Variants in RBMS3 observed in about 807,000 individuals in gnomAD.
RBMS3 encodes RNA-binding motif, single-stranded-interacting protein 3.
In RBMS3, 27 loss-of-function variants were observed where a neutral mutation model predicts 66.8. The observed-to-expected ratio is 0.40, with a 90% CI of 0.30 to 0.56. The LOEUF is 0.56. RBMS3 is among the 20% of genes least tolerant of loss of function. RBMS3 has a pLI of 0.40. For missense variants in RBMS3, 513 were observed against 549.5 expected (o/e 0.93, Z 0.66); for synonymous variants, 188 against 183.0 (o/e 1.03, Z -0.22).
At chr3:29,520,506 A>G (rs1297858961) in intron 3 of RBMS3, among the ~76,000 whole-genome samples, 1 of 152,194 alleles carries the variant, frequency 6.6e-6, no homozygotes, top group Admixed American at 6.5e-5. Flanking sequence ...AGTGAGTTAA[A>G]TATACACCAA....
chr3:29,689,100 AATAGAT>A (rs11271452), intron 4 of RBMS3, among the ~76,000 whole-genome samples: 1,749 of 151,678 alleles, frequency 0.012, 43 homozygotes, highest in African/African-American at 0.039. Flanking sequence ...CCTATATAGA[AATAGAT>A]ATAGATATAG....
At chr3:29,915,159 A>C (rs550495883) in intron 10 of RBMS3, among the ~76,000 whole-genome samples, 1 of 151,788 alleles carries the variant, frequency 6.6e-6, no homozygotes, top group Non-Finnish European at 1.5e-5. Flanking sequence ...TGTTCCTAAA[A>C]AAAAAAAAAT....
At chr3:29,756,526 G>T (rs146792637) in intron 5 of RBMS3, among the ~76,000 whole-genome samples, 51 of 152,030 alleles carry the variant, frequency 3.4e-4, no homozygotes, top group Middle Eastern at 3.4e-3. Flanking sequence ...AAAACCATCA[G>T]ATCTCATCAG....
chr3:29,607,245 A>T (rs1220053400), intron 4 of RBMS3, among the ~76,000 whole-genome samples: 4 of 151,940 alleles, frequency 2.6e-5, no homozygotes, highest in Non-Finnish European at 5.9e-5. Flanking sequence ...TTGTTGCCTT[A>T]GTCCCATTGG....
At chr3:29,565,633 C>A (rs1576242878) in intron 3 of RBMS3, among the ~76,000 whole-genome samples, 1 of 152,186 alleles carries the variant, frequency 6.6e-6, no homozygotes, top group Non-Finnish European at 1.5e-5. Context: ...CCACACTGTG[C>A]TAACCTCACC....
intron 1 of RBMS3, among the ~76,000 whole-genome samples, chr3:29,368,382 G>T (rs1158544991): frequency 6.6e-6 from 1 of 152,174 alleles, no homozygotes; most frequent in South Asian, 2.1e-4. Context: ...TATATTTATT[G>T]GAGTATTGCT....
Position 29,657,982 on chromosome 3 carries a change from C to T in RBMS3, c.399+70777C>T, listed in dbSNP as rs145995669. Among the ~76,000 whole-genome samples the T allele has an allele frequency of 8.5e-5, 13 of 152,192 alleles. 1 individual carries two copies. The highest frequency in any genetic ancestry group is 3.1e-4 in the African/African-American group (13 of 41,528). ...GGAAAATAAATGAACAAAAATATCC[C>T]CCAACGATTGTCTGTCTTTAGGCCG... On this transcript the variant is annotated intron_variant, in intron 4 of 14. Transcript: ENST00000383767.
At chr3:29,988,273 C>A in intron 13 of RBMS3, 50 bp downstream of exon 13, 1 of 1,465,800 alleles carries the variant, frequency 6.8e-7, no homozygotes, top group South Asian at 1.1e-5. Flanking sequence ...AAATCTCAGT[C>A]ACATATACTG....
At chr3:29,552,896 A>C (rs113559830) in intron 3 of RBMS3, among the ~76,000 whole-genome samples, 8 of 152,090 alleles carry the variant, frequency 5.3e-5, no homozygotes, top group African/African-American at 1.9e-4. Context: ...AGAGATAGTA[A>C]ATGGTAGAAG....
intron 6 of RBMS3, among the ~76,000 whole-genome samples, chr3:29,780,651 A>C (rs1280974599): frequency 1.3e-5 from 2 of 152,162 alleles, no homozygotes; most frequent in African/African-American, 4.8e-5. Context: ...TCCTATCTGC[A>C]CTTAAAAATT....
chr3:29,552,046 G>T (rs1180910248), intron 3 of RBMS3, among the ~76,000 whole-genome samples: 2 of 151,990 alleles, frequency 1.3e-5, no homozygotes, highest in African/African-American at 4.8e-5. Flanking sequence ...TTTACTTCAA[G>T]ATTAAATGCA....
intron 2 of RBMS3, among the ~76,000 whole-genome samples, chr3:29,446,906 C>CTTT (rs11293530): frequency 0.014 from 939 of 68,610 alleles, 19 homozygotes; most frequent in Non-Finnish European, 0.019. Context: ...ATTAAGCAGT[C>CTTT]TTTTTTTTTT....
chr3:29,559,041 T>G (rs2046451312), intron 3 of RBMS3, among the ~76,000 whole-genome samples: 1 of 152,098 alleles, frequency 6.6e-6, no homozygotes, highest in South Asian at 2.1e-4. Context: ...GTGTGAGACT[T>G]GACATATTAA....
chr3:29,922,449 T>G (rs1330330881), intron 10 of RBMS3, among the ~76,000 whole-genome samples: 1 of 137,146 alleles, frequency 7.3e-6, no homozygotes, highest in Non-Finnish European at 1.5e-5. Context: ...ATTGCGCCAC[T>G]GCAGTCCGCA....
At position 29,281,182 on chromosome 3, in the gene RBMS3, T is replaced by G. The variant is rs2031736673; in HGVS notation, c.-500T>G. The stretch of plus-strand genomic sequence containing the variant: ...CTTTTTCCCCTTTCTTTTTCTTTCT[T>G]TCTTTCTTTTTCTTTCTTTCTTTCT... On this transcript the variant is annotated 5_prime_UTR_variant, in exon 1 of 15. Coordinates refer to ENST00000383767, the MANE Select transcript of RBMS3 (RefSeq NM_001003793.3). The G allele has an allele frequency of 7.0e-6, 1 of 142,938 alleles. No homozygotes were observed. Among genetic ancestry groups the G allele is most frequent in the South Asian group, 2.4e-4 (1 of 4,096 alleles). 8.9% of individuals were successfully genotyped at this position (142,938 alleles called of 1,614,324 possible).
chr3:29,620,394 C>A (rs1238445065), intron 4 of RBMS3, among the ~76,000 whole-genome samples: 4 of 152,022 alleles, frequency 2.6e-5, no homozygotes, highest in African/African-American at 4.8e-5. Context: ...CCCCTGATTT[C>A]TCTTTCATAT....
chr3:29,818,073 T>C (rs1355219143), intron 6 of RBMS3, among the ~76,000 whole-genome samples: 1 of 152,150 alleles, frequency 6.6e-6, no homozygotes, highest in East Asian at 1.9e-4. Flanking sequence ...GATATATAAA[T>C]GAATATAGGT....
chr3:29,983,393 T>C (rs752862869), intron 12 of RBMS3, among the ~76,000 whole-genome samples: 1 of 152,198 alleles, frequency 6.6e-6, no homozygotes, highest in Non-Finnish European at 1.5e-5. Flanking sequence ...GTCTTTTAAT[T>C]GGGGCATTTA....
chr3:29,664,453 A>C (rs965137929), intron 4 of RBMS3, among the ~76,000 whole-genome samples: 1 of 151,956 alleles, frequency 6.6e-6, no homozygotes, highest in African/African-American at 2.4e-5. Context: ...GCACGACTGC[A>C]CTCCATCCTA....
Sources: gnomAD v4.1 joint callset for allele counts (sites outside exome capture counted in the v4.1 genomes callset) on GRCh38, gnomAD v4.1.1 for gene constraint, MANE v1.5 for transcripts, NCBI Gene and HGNC (gene_info 2026-07-23, HGNC 2026-07-21) for gene names.